Variants in SLC2A13 observed in about 807,000 individuals in gnomAD.
SLC2A13 encodes the protein solute carrier family 2 member 13.
A neutral mutation model predicts 64.4 loss-of-function variants in SLC2A13; 32 were observed. The ratio of observed to expected loss-of-function variants is 0.50; its 90% CI spans 0.37 to 0.67. SLC2A13 has a LOEUF of 0.67. Ranked by LOEUF, SLC2A13 falls within the 30% of genes least tolerant of loss-of-function variation. SLC2A13 has a pLI of 0.00. For missense variants in SLC2A13, 743 were observed against 829.2 expected (o/e 0.90, Z 1.28); for synonymous variants, 338 against 327.1 (o/e 1.03, Z -0.36).
chr12:39,783,708 G>C (rs1941081328), intron 7 of SLC2A13, among the ~76,000 whole-genome samples: 1 of 151,974 alleles, frequency 6.6e-6, no homozygotes, highest in African/African-American at 2.4e-5. Context: ...CCCACTTTTT[G>C]GGGGTTGTTT....
In SLC2A13 at chr12:39,837,165, G is replaced by A. The variant is rs1305007832; in HGVS notation, c.1320-6937C>T. Among the ~76,000 whole-genome samples the A allele has an allele frequency of 1.2e-3, 157 of 134,400 alleles. 2 individuals carry two copies. Among genetic ancestry groups the A allele is most frequent in the African/African-American group, 4.3e-3 (148 of 34,176 alleles). The allele number at this position is 134,400 out of a possible 152,430, so 88.2% of individuals were successfully genotyped here. Reference sequence around the variant, plus strand: ...AGATATAGATCAATGGAACAGAACAGAGCCCTCAGAAATAATGCCACATAC... The same window carrying A: ...AGATATAGATCAATGGAACAGAACAAAGCCCTCAGAAATAATGCCACATAC... On this transcript the variant is annotated intron_variant, in intron 6 of 9. Coordinates refer to ENST00000280871, the MANE Select transcript of SLC2A13 (RefSeq NM_052885.4).
At chr12:40,100,571 C>T (rs534428432) in intron 1 of SLC2A13, among the ~76,000 whole-genome samples, 3 of 152,114 alleles carry the variant, frequency 2.0e-5, no homozygotes, top group Non-Finnish European at 4.4e-5. Context: ...ATTCTTCAAT[C>T]CTGTTGTAAC....
intron 1 of SLC2A13, among the ~76,000 whole-genome samples, chr12:40,056,234 CT>C (rs1298983291): frequency 2.0e-5 from 3 of 150,822 alleles, no homozygotes; most frequent in African/African-American, 7.3e-5. Flanking sequence ...ATAAGTTCTG[CT>C]TTTTGGAGAG....
At chr12:39,789,664 C>A (rs926712675) in intron 7 of SLC2A13, among the ~76,000 whole-genome samples, 1 of 152,166 alleles carries the variant, frequency 6.6e-6, no homozygotes. Flanking sequence ...AAGATTCTCA[C>A]TAGCAGTAGA....
intron 1 of SLC2A13, among the ~76,000 whole-genome samples, chr12:40,088,222 C>T (rs895270231): frequency 6.6e-6 from 1 of 152,172 alleles, no homozygotes; most frequent in East Asian, 1.9e-4. Context: ...ACAGTTCTCA[C>T]TCAAAAGAAG....
At chr12:40,102,594 T>C (rs1592085374) in intron 1 of SLC2A13, among the ~76,000 whole-genome samples, 1 of 152,198 alleles carries the variant, frequency 6.6e-6, no homozygotes, top group East Asian at 1.9e-4. Context: ...AGAGCAAACT[T>C]GTCTGAAAAA....
intron 1 of SLC2A13, among the ~76,000 whole-genome samples, chr12:40,048,496 A>G (rs187783153): frequency 3.7e-4 from 56 of 152,240 alleles, no homozygotes; most frequent in African/African-American, 1.3e-3. Context: ...AGTATGCTTT[A>G]TAACTTCTTG....
chr12:39,970,180 C>G (rs1335943740), intron 3 of SLC2A13, among the ~76,000 whole-genome samples: 2 of 152,130 alleles, frequency 1.3e-5, no homozygotes, highest in East Asian at 1.9e-4. Flanking sequence ...GGTACCAGTA[C>G]CATGCTGTTT....
intron 6 of SLC2A13, among the ~76,000 whole-genome samples, chr12:39,864,267 G>T (rs1371476520): frequency 6.6e-6 from 1 of 152,110 alleles, no homozygotes; most frequent in Admixed American, 6.5e-5. Context: ...TTTACTTCCT[G>T]ATCCTCTGAA....
intron 7 of SLC2A13, among the ~76,000 whole-genome samples, chr12:39,796,394 A>C (rs1052181394): frequency 1.4e-5 from 2 of 145,096 alleles, no homozygotes; most frequent in South Asian, 4.3e-4. Context: ...GTTTGAGATC[A>C]CCCTGGCCAA....
intron 7 of SLC2A13, among the ~76,000 whole-genome samples, chr12:39,797,307 C>G (rs1428609123): frequency 6.6e-6 from 1 of 152,212 alleles, no homozygotes; most frequent in African/African-American, 2.4e-5. Context: ...AAAATGCTAA[C>G]ATTTTCAGCA....
At chr12:39,852,616 C>T (rs936249571) in intron 6 of SLC2A13, among the ~76,000 whole-genome samples, 7 of 152,110 alleles carry the variant, frequency 4.6e-5, no homozygotes, top group African/African-American at 1.7e-4. Flanking sequence ...AGGCAGGGAA[C>T]CTAAGGCTGA....
chr12:39,774,068 T>G (rs893007265), intron 7 of SLC2A13, among the ~76,000 whole-genome samples: 3 of 152,212 alleles, frequency 2.0e-5, no homozygotes, highest in Non-Finnish European at 2.9e-5. Flanking sequence ...ACCCTAATAG[T>G]TCTTTGTTGA....
intron 2 of SLC2A13, among the ~76,000 whole-genome samples, chr12:40,046,186 G>A (rs181028728): frequency 5.8e-4 from 88 of 152,286 alleles, no homozygotes; most frequent in African/African-American, 2.0e-3. Flanking sequence ...GCTCAGAGGG[G>A]CTAAATGATT....
intron 4 of SLC2A13, among the ~76,000 whole-genome samples, chr12:39,895,465 G>A (rs1198675136): frequency 7.6e-6 from 1 of 132,198 alleles, no homozygotes; most frequent in Non-Finnish European, 1.6e-5. Flanking sequence ...ACTCCAGCCT[G>A]GGCGACAGAG....
chr12:39,979,213 C>A (rs790876), intron 3 of SLC2A13, among the ~76,000 whole-genome samples: 74,799 of 92,706 alleles, frequency 0.81, 30,634 homozygotes, highest in Non-Finnish European at 0.84. Context: ...TAAAACCACA[C>A]AGATGGGGAA....
At chr12:39,794,123 C>CAAA (rs36179669) in intron 7 of SLC2A13, among the ~76,000 whole-genome samples, 2 of 78,348 alleles carry the variant, frequency 2.6e-5, no homozygotes, top group African/African-American at 1.0e-4. Flanking sequence ...GGCCAAATTG[C>CAAA]AAAAAAAAAA....
chr12:39,841,917 G>A (rs1488085738), intron 6 of SLC2A13, among the ~76,000 whole-genome samples: 1 of 152,066 alleles, frequency 6.6e-6, no homozygotes, highest in Non-Finnish European at 1.5e-5. Context: ...TTTATCATGA[G>A]CCTTATTGTG....
chr12:40,037,155 G>A (rs1230112475), intron 2 of SLC2A13, among the ~76,000 whole-genome samples: 1 of 151,972 alleles, frequency 6.6e-6, no homozygotes, highest in Non-Finnish European at 1.5e-5. Flanking sequence ...GATACCTTTT[G>A]GTCTGAGTTC....
Sources: gnomAD v4.1 joint callset for allele counts (sites outside exome capture counted in the v4.1 genomes callset) on GRCh38, gnomAD v4.1.1 for gene constraint, MANE v1.5 for transcripts, NCBI Gene and HGNC (gene_info 2026-07-23, HGNC 2026-07-21) for gene names.